PPP1R21: variants seen among roughly 807,000 people sequenced by gnomAD.
PPP1R21 encodes the protein KLRAQ motif containing 1.
A neutral mutation model predicts 112.8 loss-of-function variants in PPP1R21; 85 were observed. The ratio of observed to expected loss-of-function variants is 0.75; its 90% CI spans 0.63 to 0.90. The LOEUF is 0.90. PPP1R21 is among the 40% of genes least tolerant of loss of function. The pLI is 0.00. For synonymous variants in PPP1R21, 381 were observed against 322.3 expected, an observed-to-expected ratio of 1.18 and a Z score of -1.95; for missense variants, 1,199 against 901.5, an observed-to-expected ratio of 1.33 and a Z score of -4.23.
At chr2:48,497,602 AAATAAATGGCAAAACT>A (rs1669902910) in intron 16 of PPP1R21, among the ~76,000 whole-genome samples, 2 of 152,056 alleles carry the variant, frequency 1.3e-5, no homozygotes, top group South Asian at 4.1e-4. Context: ...TATTAGTTTT[AAATAAATGGCAAAACT>A]ACAAAATTAC....
chr2:48,482,239 G>A (rs998706163), intron 13 of PPP1R21, among the ~76,000 whole-genome samples: 2 of 152,216 alleles, frequency 1.3e-5, no homozygotes, highest in Non-Finnish European at 2.9e-5. Context: ...TAAAAGAGGA[G>A]TATATGTAAA....
At chr2:48,481,678 A>G (rs1233139402) in intron 13 of PPP1R21, among the ~76,000 whole-genome samples, 9 of 152,172 alleles carry the variant, frequency 5.9e-5, no homozygotes. Context: ...AGAATTTGAG[A>G]CTAGCCTGGG....
At position 48,510,413 on chromosome 2, in the gene PPP1R21, A is replaced by C. The variant is rs568825673; in HGVS notation, c.2184+300A>C. On this transcript the variant is annotated intron_variant, in intron 20 of 21. Coordinates refer to ENST00000294952, the MANE Select transcript of PPP1R21 (RefSeq NM_001135629.3). ...GTACATACCCATCATGGTGAGCTGTAGGCTTGTTCTGTACATAGTACTCTG... is the reference window on the plus strand; with the variant it reads ...GTACATACCCATCATGGTGAGCTGTCGGCTTGTTCTGTACATAGTACTCTG... Among the ~76,000 whole-genome samples, 52 of 152,354 alleles carry C rather than the reference A, an allele frequency of 3.4e-4. 1 individual carries two copies. The highest frequency in any genetic ancestry group is 1.2e-3 in the African/African-American group (51 of 41,586).
intron 1 of PPP1R21, among the ~76,000 whole-genome samples, chr2:48,449,297 C>G (rs1053125772): frequency 6.6e-6 from 1 of 152,100 alleles, no homozygotes; most frequent in East Asian, 1.9e-4. Context: ...TTATCTGGTT[C>G]TCACAGTAGC....
chr2:48,494,573 C>T (rs150164982), intron 15 of PPP1R21, among the ~76,000 whole-genome samples: 11 of 151,512 alleles, frequency 7.3e-5, no homozygotes, highest in African/African-American at 2.7e-4. Context: ...CCACCTCCCC[C>T]GGCTAATTGT....
chr2:48,456,752 T>C (rs1173249556), intron 3 of PPP1R21, among the ~76,000 whole-genome samples: 1 of 152,148 alleles, frequency 6.6e-6, no homozygotes, highest in African/African-American at 2.4e-5. Context: ...TGGGAAACTT[T>C]TTCAAGATAT....
intron 9 of PPP1R21, among the ~76,000 whole-genome samples, chr2:48,469,441 TATAG>T (rs774212164): frequency 0.012 from 1,144 of 92,488 alleles, 181 homozygotes; most frequent in Middle Eastern, 0.021. Context: ...CATATATATA[TATAG>T]AGAGAGCATA....
At chr2:48,486,362 A>G (rs2103919254) in intron 13 of PPP1R21, among the ~76,000 whole-genome samples, 1 of 152,278 alleles carries the variant, frequency 6.6e-6, no homozygotes, top group Admixed American at 6.5e-5. Flanking sequence ...TCATTTACCC[A>G]ATGTTAGAAT....
Position 48,513,705 on chromosome 2 carries a change from G to C in PPP1R21, c.2314-1010G>C, listed in dbSNP as rs146317752. ...TGACATTGTCTGCATTGGATACAAA[G>C]TAAACATCCTCAACCATTTGTTTGC... On this transcript the variant is annotated intron_variant, in intron 21 of 21. Coordinates refer to ENST00000294952, the MANE Select transcript of PPP1R21 (RefSeq NM_001135629.3). Among the ~76,000 whole-genome samples the C allele has an allele frequency of 3.5e-3, 528 of 152,238 alleles. 1 individual carries two copies. Among genetic ancestry groups the C allele is most frequent in the African/African-American group, 0.012 (496 of 41,538 alleles).
chr2:48,459,984 C>A, intron 5 of PPP1R21, 66 bp downstream of exon 5: 1 of 1,589,630 alleles, frequency 6.3e-7, no homozygotes, highest in Non-Finnish European at 8.6e-7. Context: ...ATTGTCTATC[C>A]ACTTAGAGTT....
intron 19 of PPP1R21, among the ~76,000 whole-genome samples, chr2:48,508,550 G>C (rs79811555): frequency 0.017 from 2,522 of 152,276 alleles, 61 homozygotes; most frequent in African/African-American, 0.055. Context: ...TGCAGGAAAG[G>C]GGGAGGACAG....
At chr2:48,462,009 C>T (rs570478182) in intron 7 of PPP1R21, among the ~76,000 whole-genome samples, 1 of 152,166 alleles carries the variant, frequency 6.6e-6, no homozygotes, top group South Asian at 2.1e-4. Flanking sequence ...AATTTAAATT[C>T]CCCTTTGAAA....
At chr2:48,459,962 T>C (rs1381795220) in intron 5 of PPP1R21, 44 bp downstream of exon 5, 1 of 1,598,234 alleles carries the variant, frequency 6.3e-7, no homozygotes, top group East Asian at 2.2e-5. Flanking sequence ...GTTACAGCTT[T>C]TGTATTAATA....
At position 48,498,638 on chromosome 2, in the gene PPP1R21, T is replaced by C. The variant is rs529628311; in HGVS notation, c.1838T>C (p.Val613Ala). 1 of 1,614,232 alleles carries C rather than the reference T, an allele frequency of 6.2e-7. No homozygotes were observed. Among genetic ancestry groups the C allele is most frequent in the Admixed American group, 1.7e-5 (1 of 60,024 alleles). ...AAGAATACAGGTAGTGCCCAGCTGG[T>C]TGGGCTGGCCCAGGAAAATGCTGCT... Reference protein sequence around the residue: ...KLKNTGSAQLVGLAQENAAVS... With the variant: ...KLKNTGSAQLAGLAQENAAVS... Residue 613 changes from valine (V) to alanine (A), a missense_variant, in exon 17 of 22, where the codon GTT becomes GCT. Physicochemically the swap from Val to Ala is moderately conservative, Grantham distance 64. Transcript: ENST00000294952.
chr2:48,466,773 G>A (rs1668223531), intron 9 of PPP1R21, among the ~76,000 whole-genome samples: 1 of 152,122 alleles, frequency 6.6e-6, no homozygotes, highest in Non-Finnish European at 1.5e-5. Flanking sequence ...GGAGTGTGGG[G>A]GTTGGGAACA....
rs1669814427 is a variant in PPP1R21 at position 48,495,908 on chromosome 2, A to G, written c.1692+137A>G. ...TGAAATGAATTGTTTAATACATACTAAAAAGCAAATAGACATAATTTGTTG... is the reference window on the plus strand; with the variant it reads ...TGAAATGAATTGTTTAATACATACTGAAAAGCAAATAGACATAATTTGTTG... On this transcript the variant is annotated intron_variant, in intron 16 of 21. Coordinates refer to ENST00000294952, the MANE Select transcript of PPP1R21 (RefSeq NM_001135629.3). The G allele has an allele frequency of 5.3e-6, 3 of 569,170 alleles. No homozygotes were observed. The Admixed American group carries it at 9.6e-5, about 18-fold the overall frequency. The allele number at this position is 569,170 out of a possible 1,614,324, so 35.3% of individuals were successfully genotyped here.
In PPP1R21 at chr2:48,486,696, C is replaced by A; in HGVS notation, c.1384C>A (p.Leu462Met). Residue 462 changes from leucine (L) to methionine (M), a missense_variant, in exon 14 of 22, where the codon CTG becomes ATG. By Grantham distance (15) the Leu-to-Met change is conservative. Coordinates refer to ENST00000294952, the MANE Select transcript of PPP1R21 (RefSeq NM_001135629.3). ...TGAACTTCCAACAGCAACACAGAAG[C>A]TGATAACAACTAATGACTGTATCCT... is the stretch of plus-strand genomic sequence containing the variant. ...EHELPTATQKLITTNDCILSS... is the reference protein window; with the variant it reads ...EHELPTATQKMITTNDCILSS... 1 of 1,613,724 alleles carries A rather than the reference C, an allele frequency of 6.2e-7. No individual in the cohort carries two copies. The highest frequency in any genetic ancestry group is 1.1e-5 in the South Asian group (1 of 91,068).
intron 6 of PPP1R21, among the ~76,000 whole-genome samples, chr2:48,460,590 G>A (rs1446473208): frequency 6.6e-6 from 1 of 152,164 alleles, no homozygotes; most frequent in East Asian, 1.9e-4. Flanking sequence ...TGGTAAAGGT[G>A]TACTCCAACA....
At chr2:48,509,795 G>A (rs1278699088) in intron 19 of PPP1R21, among the ~76,000 whole-genome samples, 2 of 152,156 alleles carry the variant, frequency 1.3e-5, no homozygotes, top group African/African-American at 2.4e-5. Flanking sequence ...ATCTTAAGTT[G>A]GTAGACTTTT....
Sources: gnomAD v4.1 joint callset for allele counts (sites outside exome capture counted in the v4.1 genomes callset) on GRCh38, gnomAD v4.1.1 for gene constraint, MANE v1.5 for transcripts, NCBI Gene and HGNC (gene_info 2026-07-23, HGNC 2026-07-21) for gene names.